PTPRD: variants seen among roughly 807,000 people sequenced by gnomAD.
PTPRD encodes the protein protein tyrosine phosphatase receptor type D.
Under a neutral mutation model 214.5 loss-of-function variants are expected in PTPRD, and 34 were observed. The ratio of observed to expected loss-of-function variants is 0.16; its 90% CI spans 0.12 to 0.21. The LOEUF is 0.21. Among genes scored for constraint, PTPRD ranks in the 10% least tolerant of loss-of-function variants. PTPRD has a pLI of 1.00. For missense variants in PTPRD, 2,545 were observed against 2,398.7 expected, an observed-to-expected ratio of 1.06 and a Z score of -1.27; for synonymous variants, 1,128 against 845.7, an observed-to-expected ratio of 1.33 and a Z score of -5.79.
intron 3 of PTPRD, among the ~76,000 whole-genome samples, chr9:10,242,996 G>T (rs2091408435): frequency 6.6e-6 from 1 of 151,714 alleles, no homozygotes; most frequent in Non-Finnish European, 1.5e-5. Flanking sequence ...AAAATGAAAA[G>T]TTTTAACAGT....
intron 2 of PTPRD, among the ~76,000 whole-genome samples, chr9:10,572,856 C>G (rs1340246252): frequency 1.3e-5 from 2 of 152,162 alleles, no homozygotes; most frequent in East Asian, 3.9e-4. Context: ...AGAGCTCACT[C>G]CAATTTGCCC....
At chr9:9,559,807 T>C (rs2082436982) in intron 8 of PTPRD, among the ~76,000 whole-genome samples, 1 of 152,112 alleles carries the variant, frequency 6.6e-6, no homozygotes, top group African/African-American at 2.4e-5. Context: ...ATGAAAAACA[T>C]CCACCCTCAG....
At chr9:10,112,205 T>C (rs955934214) in intron 3 of PTPRD, among the ~76,000 whole-genome samples, 2 of 152,232 alleles carry the variant, frequency 1.3e-5, no homozygotes, top group Non-Finnish European at 2.9e-5. Flanking sequence ...ACTTGCTTTA[T>C]GCCACCAGAA....
chr9:8,557,764 A>G (rs903341074), intron 14 of PTPRD, among the ~76,000 whole-genome samples: 75 of 134,556 alleles, frequency 5.6e-4, no homozygotes, highest in East Asian at 5.1e-3. Flanking sequence ...AAAAAAAAAA[A>G]AAAGAAAAAC....
chr9:10,187,119 G>A (rs765421610), intron 3 of PTPRD, among the ~76,000 whole-genome samples: 1 of 151,972 alleles, frequency 6.6e-6, no homozygotes, highest in Non-Finnish European at 1.5e-5. Context: ...ATCCATAAAT[G>A]CTCTTTTAAA....
intron 2 of PTPRD, among the ~76,000 whole-genome samples, chr9:10,390,251 A>G (rs2098029943): frequency 6.6e-6 from 1 of 151,792 alleles, no homozygotes; most frequent in Admixed American, 6.6e-5. Context: ...CCAAAATCAT[A>G]CCATGTGGTC....
intron 5 of PTPRD, among the ~76,000 whole-genome samples, chr9:9,811,973 A>G (rs1483444399): frequency 6.6e-6 from 1 of 152,162 alleles, no homozygotes; most frequent in Non-Finnish European, 1.5e-5. Flanking sequence ...TCTTAAAAAA[A>G]TGCACCAGCT....
chr9:10,470,018 G>A (rs1022224001), intron 2 of PTPRD, among the ~76,000 whole-genome samples: 6 of 151,976 alleles, frequency 3.9e-5, no homozygotes, highest in Admixed American at 1.3e-4. Context: ...ATTTGGGAGG[G>A]GGAATAAAGA....
intron 11 of PTPRD, among the ~76,000 whole-genome samples, chr9:8,741,055 G>A (rs2091790133): frequency 6.6e-6 from 1 of 152,028 alleles, no homozygotes; most frequent in Non-Finnish European, 1.5e-5. Flanking sequence ...TATTATTGAT[G>A]CATCCCTGTA....
intron 5 of PTPRD, among the ~76,000 whole-genome samples, chr9:9,772,660 G>A (rs538548684): frequency 9.9e-5 from 15 of 152,084 alleles, no homozygotes; most frequent in Non-Finnish European, 2.1e-4. Context: ...GTATATATCT[G>A]TCTCTGATGA....
chr9:8,869,570 T>C (rs1020171635), intron 11 of PTPRD, among the ~76,000 whole-genome samples: 4 of 152,128 alleles, frequency 2.6e-5, no homozygotes, highest in African/African-American at 9.7e-5. Context: ...GGCAAGCTTC[T>C]CAGGTAATTC....
chr9:10,506,643 G>T (rs758105524), intron 2 of PTPRD, among the ~76,000 whole-genome samples: 1 of 151,884 alleles, frequency 6.6e-6, no homozygotes, highest in African/African-American at 2.4e-5. Flanking sequence ...TTATATTATT[G>T]TTGCTCCAAG....
chr9:9,240,180 AAT>A (rs5896312), intron 9 of PTPRD, among the ~76,000 whole-genome samples: 72,340 of 151,890 alleles, frequency 0.48, 17,468 homozygotes, highest in African/African-American at 0.49. Context: ...TCTACTTAAA[AAT>A]AGTTTCAAAA....
chr9:9,355,289 A>G lies in PTPRD; in HGVS notation c.-203+42160T>C, dbSNP rs142539919. Among the ~76,000 whole-genome samples, 1,093 of 151,840 alleles carry G rather than the reference A, an allele frequency of 7.2e-3. 8 individuals carry two copies. The highest frequency in any genetic ancestry group is 0.01 in the Non-Finnish European group (690 of 67,822). On this transcript the variant is annotated intron_variant, in intron 9 of 45. Coordinates refer to ENST00000381196, the MANE Select transcript of PTPRD (RefSeq NM_002839.4). The stretch of plus-strand genomic sequence containing the variant: ...CTGTAAAAGATGAGAATGAATTATA[A>G]TGGTACAATGGTAGAAGCATGGAGA...
intron 10 of PTPRD, among the ~76,000 whole-genome samples, chr9:9,150,984 A>G (rs978606334): frequency 1.3e-5 from 2 of 152,180 alleles, no homozygotes; most frequent in East Asian, 1.9e-4. Flanking sequence ...TTTGCACACA[A>G]GATCGTGGGA....
intron 3 of PTPRD, among the ~76,000 whole-genome samples, chr9:10,293,597 A>C (rs1335056909): frequency 6.6e-6 from 1 of 152,018 alleles, no homozygotes; most frequent in Non-Finnish European, 1.5e-5. Context: ...TAACAGTAAG[A>C]TAAAAGGAAG....
intron 36 of PTPRD, among the ~76,000 whole-genome samples, chr9:8,389,728 TA>T (rs2088750311): frequency 6.6e-6 from 1 of 152,078 alleles, no homozygotes; most frequent in African/African-American, 2.4e-5. Flanking sequence ...CAAAGAACAA[TA>T]AACAATCTGG....
Position 8,341,991 on chromosome 9 carries a change from T to C in PTPRD, c.4662-13A>G, listed in dbSNP as rs758563974. On this transcript the variant is annotated splice_polypyrimidine_tract_variant and intron_variant, in intron 39 of 45. Coordinates refer to ENST00000381196, the MANE Select transcript of PTPRD (RefSeq NM_002839.4). ...GCCAACTCCCGCACTATGAGGAAAA[T>C]AGAGAAGAAAAGCCCAAATAAACCT... 2.5e-6 allele frequency: 4 copies of C among 1,579,650 alleles called. No homozygotes were observed. Among genetic ancestry groups the C allele is most frequent in the Non-Finnish European group, 1.7e-6 (2 of 1,166,786 alleles).
intron 2 of PTPRD, among the ~76,000 whole-genome samples, chr9:10,374,112 C>T (rs980249822): frequency 6.6e-6 from 1 of 151,956 alleles, no homozygotes; most frequent in Non-Finnish European, 1.5e-5. Context: ...AGTAGGAATC[C>T]TTAGGAAAGC....
Sources: allele counts gnomAD v4.1 joint callset (sites outside exome capture counted in the v4.1 genomes callset), GRCh38; gene constraint gnomAD v4.1.1; transcripts MANE v1.5; gene names NCBI Gene and HGNC (gene_info 2026-07-23, HGNC 2026-07-21).